The following VWF variants were observed in gnomAD, a reference collection of about 807,000 sequenced individuals.
VWF encodes the protein von Willebrand factor.
VWF carries 176 observed loss-of-function variants against 308.6 expected under a neutral mutation model. The ratio of observed to expected loss-of-function variants is 0.57; its 90% CI spans 0.50 to 0.65. The LOEUF (loss-of-function observed/expected upper bound fraction) is 0.65. Ranked by LOEUF, VWF falls within the 30% of genes least tolerant of loss-of-function variation. VWF has a pLI of 0.00. For synonymous variants in VWF, 1,385 were observed against 1,443.4 expected (o/e 0.96, Z 0.92); for missense variants, 3,146 against 3,648.2 (o/e 0.86, Z 3.55).
At chr12:5,993,218 T>G (rs1423747010) in intron 37 of VWF, among the ~76,000 whole-genome samples, 1 of 152,208 alleles carries the variant, frequency 6.6e-6, no homozygotes, top group Non-Finnish European at 1.5e-5. Flanking sequence ...TCAAGTTCAG[T>G]ATTCTTTTCA....
At chr12:5,980,617 A>G (rs1259008309) in intron 42 of VWF, among the ~76,000 whole-genome samples, 1 of 152,220 alleles carries the variant, frequency 6.6e-6, no homozygotes, top group Admixed American at 6.5e-5. Context: ...GAGAAGGAGA[A>G]CAGAGATATA....
At chr12:6,088,365 G>C (rs1944995766) in intron 6 of VWF, among the ~76,000 whole-genome samples, 1 of 152,008 alleles carries the variant, frequency 6.6e-6, no homozygotes, top group South Asian at 2.1e-4. Flanking sequence ...TGTAGTCCCA[G>C]CTACTCGGGA....
intron 5 of VWF, among the ~76,000 whole-genome samples, chr12:6,104,630 G>C (rs1349901810): frequency 6.6e-6 from 1 of 151,968 alleles, no homozygotes; most frequent in East Asian, 1.9e-4. Context: ...CCGGGAACTG[G>C]AGGTTGCAGT....
At chr12:5,955,424 G>A (rs1429013939) in intron 47 of VWF, among the ~76,000 whole-genome samples, 1 of 150,276 alleles carries the variant, frequency 6.7e-6, no homozygotes, top group Non-Finnish European at 1.5e-5. Flanking sequence ...GTGTCCATGT[G>A]TTCTCATTGT....
chr12:6,039,748 G>A (rs1286900698), intron 18 of VWF, among the ~76,000 whole-genome samples: 1 of 152,142 alleles, frequency 6.6e-6, no homozygotes, highest in Non-Finnish European at 1.5e-5. Flanking sequence ...GCCGCCTCTG[G>A]ATGGGCCCTT....
In VWF at chr12:6,087,525, AT is replaced by A. The variant is rs758721934; in HGVS notation, c.657+7934del. Among the ~76,000 whole-genome samples the A allele has an allele frequency of 7.3e-3, 937 of 129,120 alleles. 28 individuals carry two copies. The highest frequency in any genetic ancestry group is 0.021 in the African/African-American group (719 of 34,384). 84.7% of individuals were successfully genotyped at this position (129,120 alleles called of 152,430 possible). On this transcript the variant is annotated intron_variant, in intron 6 of 51. Transcript: ENST00000261405. ...AGGCGCCCGCCACCACGCCCGGCTAATTTTTTTTTTTTTGTATTGTTAGTAG... is the reference window on the plus strand; with the variant it reads ...AGGCGCCCGCCACCACGCCCGGCTAATTTTTTTTTTTTGTATTGTTAGTAG...
In VWF at chr12:6,091,557, T is replaced by G. The variant is rs143286743; in HGVS notation, c.657+3903A>C. 4.0e-3 allele frequency among the ~76,000 whole-genome samples: 604 copies of G among 152,268 alleles called. 6 individuals are homozygous for G. The highest frequency in any genetic ancestry group is 0.012 in the African/African-American group (518 of 41,548). On this transcript the variant is annotated intron_variant, in intron 6 of 51. Transcript: ENST00000261405. Reference sequence around the variant, plus strand: ...TGAAAGAGTTTTGGTTTTGGTTTTGTTTTATAGACAGGGTCTCACTCTGTT... The same window carrying G: ...TGAAAGAGTTTTGGTTTTGGTTTTGGTTTATAGACAGGGTCTCACTCTGTT...
chr12:5,989,447 C>T (rs1490736518), intron 38 of VWF, among the ~76,000 whole-genome samples: 1 of 152,130 alleles, frequency 6.6e-6, no homozygotes, highest in Non-Finnish European at 1.5e-5. Flanking sequence ...TGAAAATGCA[C>T]GTGGCTGGAT....
chr12:5,979,041 A>C (rs889662342), intron 42 of VWF, among the ~76,000 whole-genome samples: 1 of 152,254 alleles, frequency 6.6e-6, no homozygotes, highest in Non-Finnish European at 1.5e-5. Flanking sequence ...AAAAAAATAA[A>C]GTTTACAATG....
chr12:5,961,851 C>A (rs778281840), intron 47 of VWF, among the ~76,000 whole-genome samples: 25 of 151,762 alleles, frequency 1.6e-4, no homozygotes, highest in Non-Finnish European at 3.5e-4. Flanking sequence ...TGTGTCCCTA[C>A]AAAATTCCTA....
chr12:6,108,786 C>T (rs1945272009), intron 5 of VWF, among the ~76,000 whole-genome samples: 1 of 151,834 alleles, frequency 6.6e-6, no homozygotes, highest in Non-Finnish European at 1.5e-5. Context: ...TGGAGACCAC[C>T]CTGGCTAACA....
chr12:6,002,877 C>CAA (rs56832330), intron 34 of VWF, among the ~76,000 whole-genome samples: 7 of 147,650 alleles, frequency 4.7e-5, no homozygotes, highest in African/African-American at 1.7e-4. Context: ...TCCCCCACCA[C>CAA]AAAAAAAAAA....
chr12:6,104,236 C>T (rs994828058), intron 5 of VWF, among the ~76,000 whole-genome samples: 2 of 152,018 alleles, frequency 1.3e-5, no homozygotes, highest in African/African-American at 4.8e-5. Flanking sequence ...TATCATCTTA[C>T]CCTAGTCACA....
intron 3 of VWF, among the ~76,000 whole-genome samples, chr12:6,113,557 G>A (rs1038698099): frequency 6.6e-5 from 10 of 152,196 alleles, no homozygotes; most frequent in African/African-American, 2.4e-4. Flanking sequence ...GCCTCCCAAA[G>A]TGCTAGGATT....
chr12:5,981,788 T>G lies in VWF; in HGVS notation c.7285A>C (p.Lys2429Gln). The change falls in exon 42 of 52, where the codon AAG becomes CAG. Residue 2429 changes from lysine to glutamine, a missense_variant and splice_region_variant. By Grantham distance (53) the Lys-to-Gln change is moderately conservative. Coordinates refer to ENST00000261405, the MANE Select transcript of VWF (RefSeq NM_000552.5). ...GCTTTTCLPD[K>Q]VCVHRSTIYP... is the part of the protein sequence containing the mutation. Reference sequence around the variant, plus strand: ...GTTAATAGCCAAGCAGTCCTTACCTTGTCGGGAAGGCAGGTGGTTGTGGTA... The same window carrying G: ...GTTAATAGCCAAGCAGTCCTTACCTGGTCGGGAAGGCAGGTGGTTGTGGTA... 6.2e-7 allele frequency: 1 copy of G among 1,614,048 alleles called. No individual in the cohort carries two copies. Among genetic ancestry groups the G allele is most frequent in the Non-Finnish European group, 8.5e-7 (1 of 1,179,998 alleles).
At chr12:5,993,605 G>C (rs940946961) in intron 37 of VWF, among the ~76,000 whole-genome samples, 2 of 150,594 alleles carry the variant, frequency 1.3e-5, no homozygotes, top group African/African-American at 4.9e-5. Flanking sequence ...TACGTGCAGA[G>C]TGTATGTGTG....
At chr12:5,978,665 G>C (rs1489727320) in intron 42 of VWF, among the ~76,000 whole-genome samples, 1 of 152,150 alleles carries the variant, frequency 6.6e-6, no homozygotes, top group Admixed American at 6.5e-5. Flanking sequence ...AGGAAGTAAA[G>C]TCCTGTAATT....
chr12:6,113,987 G>A (rs183236126), intron 3 of VWF, among the ~76,000 whole-genome samples: 171 of 152,362 alleles, frequency 1.1e-3, no homozygotes, highest in African/African-American at 3.5e-3. Context: ...GGGCTCAGGG[G>A]TCTGTGTCCC....
intron 7 of VWF, 144 bp from the exon 8 acceptor site, chr12:6,073,885 T>C: frequency 7.8e-7 from 1 of 1,288,368 alleles, no homozygotes. Context: ...TCACCCCCAG[T>C]GAGCCACGTG....
Sources: gnomAD v4.1 joint callset for allele counts (sites outside exome capture counted in the v4.1 genomes callset) on GRCh38, gnomAD v4.1.1 for gene constraint, MANE v1.5 for transcripts, NCBI Gene and HGNC (gene_info 2026-07-23, HGNC 2026-07-21) for gene names.